The following TPST1 variants were observed in gnomAD, a reference collection of about 807,000 sequenced individuals.
TPST1 encodes the protein protein-tyrosine sulfotransferase 1.
TPST1 carries 20 observed loss-of-function variants against 34.8 expected under a neutral mutation model. The ratio of observed to expected loss-of-function variants is 0.57; its 90% CI spans 0.40 to 0.84. TPST1 has a LOEUF of 0.84. TPST1 is among the 40% of genes least tolerant of loss of function. The pLI, the probability that TPST1 is intolerant of heterozygous loss-of-function variation, is 0.00. For synonymous variants in TPST1, 152 were observed against 159.4 expected (o/e 0.95, Z 0.35); for missense variants, 353 against 455.5 (o/e 0.78, Z 2.05).
chr7:66,345,481 T>TC (rs1792328022), intron 3 of TPST1, among the ~76,000 whole-genome samples: 1 of 88,404 alleles, frequency 1.1e-5, no homozygotes, highest in Non-Finnish European at 2.0e-5. Context: ...AGAGTGAGAC[T>TC]CCATCTCCAA....
intron 4 of TPST1, 106 bp downstream of exon 4, chr7:66,352,661 AAAAAG>A (rs1223121547): frequency 6.5e-7 from 1 of 1,550,144 alleles, no homozygotes; most frequent in Non-Finnish European, 8.6e-7. Context: ...CAAGAAAACC[AAAAAG>A]AAAAGAAGAA....
chr7:66,224,795 G>T (rs1359935070), intron 1 of TPST1, among the ~76,000 whole-genome samples: 1 of 151,908 alleles, frequency 6.6e-6, no homozygotes, highest in East Asian at 1.9e-4. Flanking sequence ...GGCCTGCTGG[G>T]AAAGAGCAGT....
chr7:66,281,803 C>A (rs1304654768), intron 2 of TPST1, among the ~76,000 whole-genome samples: 1 of 152,194 alleles, frequency 6.6e-6, no homozygotes, highest in Non-Finnish European at 1.5e-5. Context: ...TGTGGTTTGG[C>A]AGTCAGCCTG....
intron 1 of TPST1, among the ~76,000 whole-genome samples, chr7:66,207,956 CCTCTCTTCATAACATCTTTTTTTTTTCT>C (rs1229059097): frequency 2.6e-5 from 4 of 151,196 alleles, no homozygotes; most frequent in African/African-American, 9.7e-5. Flanking sequence ...CTTTTTTTTT[CCTCTCTTCATAACATCTTTTTTTTTTCT>C]CTCTCTTCAT....
intron 2 of TPST1, among the ~76,000 whole-genome samples, chr7:66,260,972 A>C (rs1790474830): frequency 1.3e-5 from 2 of 152,122 alleles, no homozygotes; most frequent in Admixed American, 6.5e-5. Context: ...ACATCTCCAG[A>C]ATTCTCTCTG....
intron 2 of TPST1, among the ~76,000 whole-genome samples, chr7:66,270,404 G>C (rs1209754337): frequency 1.3e-5 from 2 of 152,128 alleles, no homozygotes; most frequent in African/African-American, 4.8e-5. Flanking sequence ...GCTTTTTCAT[G>C]TACCCTATCC....
At chr7:66,356,741 AC>A in intron 4 of TPST1, 83 bp from the exon 5 acceptor site, 10 of 1,510,850 alleles carry the variant, frequency 6.6e-6, no homozygotes, top group Non-Finnish European at 9.2e-6. Flanking sequence ...CCTGCGGGCC[AC>A]CCCTCATGTT....
At chr7:66,259,390 T>G (rs1168164485) in intron 2 of TPST1, among the ~76,000 whole-genome samples, 1 of 152,186 alleles carries the variant, frequency 6.6e-6, no homozygotes, top group African/African-American at 2.4e-5. Context: ...CTTGCATTCC[T>G]GAAATCAGTA....
chr7:66,302,540 A>G (rs1002732932), intron 3 of TPST1, among the ~76,000 whole-genome samples: 1 of 152,208 alleles, frequency 6.6e-6, no homozygotes, highest in African/African-American at 2.4e-5. Flanking sequence ...TTCAGATTCT[A>G]ATTAATCATA....
intron 3 of TPST1, among the ~76,000 whole-genome samples, chr7:66,310,802 A>ATTAT (rs1791514801): frequency 8.8e-6 from 1 of 113,350 alleles, no homozygotes; most frequent in Non-Finnish European, 1.8e-5. Flanking sequence ...AAATTTGAAG[A>ATTAT]GTATTTATTT....
intron 2 of TPST1, among the ~76,000 whole-genome samples, chr7:66,251,784 G>A (rs1790267541): frequency 2.0e-5 from 3 of 150,150 alleles, no homozygotes; most frequent in Admixed American, 2.0e-4. Flanking sequence ...TGTTTTTTTC[G>A]GTCAGGTTCT....
At position 66,303,737 on chromosome 7, in the gene TPST1, A is replaced by G. The variant is rs75420180; in HGVS notation, c.1044+17028A>G. Among the ~76,000 whole-genome samples the G allele has an allele frequency of 4.8e-3, 726 of 152,324 alleles. 3 individuals are homozygous for G. The highest frequency in any genetic ancestry group is 6.8e-3 in the Non-Finnish European group (462 of 68,030). ...TATATGTAGTTTTTTAAAAAAATAA[A>G]TAAGTAAAGACTTTTCAAGGACAAA... On this transcript the variant is annotated intron_variant, in intron 3 of 5. Transcript: ENST00000304842.
In TPST1 at chr7:66,240,905, T is replaced by C. The variant is rs778330125; in HGVS notation, c.480T>C (p.Asp160=). Residue 160 remains aspartate, a synonymous_variant, in exon 2 of 6, where the codon GAT becomes GAC. Coordinates refer to ENST00000304842, the MANE Select transcript of TPST1 (RefSeq NM_003596.4). ...GEPAPYLCNK[D]PFALKSLTYL... The stretch of plus-strand genomic sequence containing the variant: ...CAGCCCCTTATTTATGTAATAAAGA[T>C]CCTTTTGCCCTGAAATCTTTAACTT... 3.7e-5 allele frequency: 59 copies of C among 1,614,090 alleles called. No individual in the cohort carries two copies. The highest frequency in any genetic ancestry group is 4.6e-5 in the Non-Finnish European group (54 of 1,180,056).
chr7:66,207,073 C>T (rs1470424046), intron 1 of TPST1, among the ~76,000 whole-genome samples: 2 of 152,146 alleles, frequency 1.3e-5, no homozygotes, highest in Non-Finnish European at 2.9e-5. Context: ...CTCTGATGGT[C>T]TCAAGCCTGG....
intron 1 of TPST1, among the ~76,000 whole-genome samples, chr7:66,212,745 G>T (rs547667650): frequency 6.6e-6 from 1 of 152,052 alleles, no homozygotes; most frequent in Non-Finnish European, 1.5e-5. Flanking sequence ...GAGCCACTGC[G>T]CCCGACCTCA....
At chr7:66,275,406 TG>T (rs1208639267) in intron 2 of TPST1, among the ~76,000 whole-genome samples, 1 of 152,172 alleles carries the variant, frequency 6.6e-6, no homozygotes, top group Non-Finnish European at 1.5e-5. Flanking sequence ...AATCAGAATG[TG>T]GTAGATATAC....
intron 2 of TPST1, among the ~76,000 whole-genome samples, chr7:66,268,712 T>C (rs1790639609): frequency 6.6e-6 from 1 of 152,200 alleles, no homozygotes. Context: ...ACGATTTTTT[T>C]TTTTTTGAGA....
chr7:66,355,237 G>T (rs1406697566), intron 4 of TPST1, among the ~76,000 whole-genome samples: 1 of 151,946 alleles, frequency 6.6e-6, no homozygotes, highest in Non-Finnish European at 1.5e-5. Flanking sequence ...ACTTTGGGAG[G>T]CCAAGGCGGC....
At chr7:66,304,064 T>C (rs1200583868) in intron 3 of TPST1, among the ~76,000 whole-genome samples, 1 of 152,168 alleles carries the variant, frequency 6.6e-6, no homozygotes, top group African/African-American at 2.4e-5. Context: ...TTAAGTGTTA[T>C]AGGAGTGAGG....
Sources: gnomAD v4.1 joint callset for allele counts (sites outside exome capture counted in the v4.1 genomes callset) on GRCh38, gnomAD v4.1.1 for gene constraint, MANE v1.5 for transcripts, NCBI Gene and HGNC (gene_info 2026-07-23, HGNC 2026-07-21) for gene names.